The following LRGUK variants were observed in gnomAD, a reference collection of about 807,000 sequenced individuals.
LRGUK encodes the protein leucine-rich repeat and guanylate kinase domain-containing protein.
LRGUK carries 65 observed loss-of-function variants against 76.0 expected under a neutral mutation model. That is an observed-to-expected ratio of 0.85 (90% CI 0.70 to 1.05). The LOEUF is 1.05. Ranked by LOEUF, LRGUK falls within the 50% of genes least tolerant of loss-of-function variation. LRGUK has a pLI of 0.00. For missense variants in LRGUK, 758 were observed against 732.8 expected (o/e 1.03, Z -0.40); for synonymous variants, 268 against 265.6 (o/e 1.01, Z -0.09).
intron 8 of LRGUK, among the ~76,000 whole-genome samples, chr7:134,176,473 G>A (rs1799485306): frequency 6.6e-6 from 1 of 152,080 alleles, no homozygotes; most frequent in African/African-American, 2.4e-5. Context: ...TCCGCCTCCT[G>A]GGTTCATGCC....
At chr7:134,141,863 A>G (rs575771300) in intron 3 of LRGUK, among the ~76,000 whole-genome samples, 9 of 152,336 alleles carry the variant, frequency 5.9e-5, no homozygotes, top group African/African-American at 2.2e-4. Flanking sequence ...TTAATGTCTC[A>G]AAGTACTGTC....
At chr7:134,129,336 T>C in intron 1 of LRGUK, among the ~76,000 whole-genome samples, 4 of 85,410 alleles carry the variant, frequency 4.7e-5, no homozygotes, top group African/African-American at 1.4e-4. Flanking sequence ...CTCCCTCCCT[T>C]CCTCCCTCCC....
chr7:134,201,530 C>A lies in LRGUK; in HGVS notation c.1797C>A (p.Tyr599Ter). 6.2e-7 allele frequency: 1 copy of A among 1,613,804 alleles called. No individual in the cohort carries two copies. The highest frequency in any genetic ancestry group is 1.1e-5 in the South Asian group (1 of 91,074). The change falls in exon 15 of 16, where the codon TAC becomes TAA. Residue 599 changes from tyrosine (Y) to a stop codon, truncating the protein, a stop_gained. Transcript: ENST00000645682. LOFTEE classifies it low-confidence loss of function (END_TRUNC). Reference sequence around the variant, plus strand: ...AACTGAGTCAGCTCATTAGAGAATACCTTGGATTGACTGAGGAACCTGCCA... The same window carrying A: ...AACTGAGTCAGCTCATTAGAGAATAACTTGGATTGACTGAGGAACCTGCCA...
intron 15 of LRGUK, among the ~76,000 whole-genome samples, chr7:134,202,542 T>C (rs569953582): frequency 1.1e-4 from 17 of 152,210 alleles, no homozygotes; most frequent in Non-Finnish European, 2.2e-4. Context: ...TGCACACCCA[T>C]GTTTTTAGCA....
intron 4 of LRGUK, among the ~76,000 whole-genome samples, chr7:134,147,282 C>A (rs1056722738): frequency 1.4e-4 from 22 of 151,772 alleles, no homozygotes; most frequent in Middle Eastern, 6.8e-3. Flanking sequence ...ACAACAACAA[C>A]AAAAAACCCG....
chr7:134,173,062 A>G (rs1799325399), intron 7 of LRGUK, among the ~76,000 whole-genome samples: 1 of 152,188 alleles, frequency 6.6e-6, no homozygotes, highest in Admixed American at 6.5e-5. Context: ...CGTTGTTCAC[A>G]AGTTTACTTT....
At chr7:134,224,588 A>T (rs1285316961) in intron 16 of LRGUK, among the ~76,000 whole-genome samples, 1 of 152,124 alleles carries the variant, frequency 6.6e-6, no homozygotes, top group East Asian at 1.9e-4. Context: ...AAAATAACTA[A>T]TGGGTACTAG....
intron 18 of LRGUK, among the ~76,000 whole-genome samples, chr7:134,253,501 C>T (rs1186423667): frequency 6.6e-6 from 1 of 152,162 alleles, no homozygotes. Flanking sequence ...GAAATCCTAT[C>T]TATTAAAAGA....
intron 4 of LRGUK, among the ~76,000 whole-genome samples, chr7:134,148,034 C>A (rs933053940): frequency 3.5e-5 from 5 of 144,162 alleles, no homozygotes; most frequent in Non-Finnish European, 7.5e-5. Flanking sequence ...TGCACTCCAG[C>A]CTGGACGACA....
chr7:134,186,759 G>A (rs1356703783), intron 11 of LRGUK, among the ~76,000 whole-genome samples: 1 of 152,194 alleles, frequency 6.6e-6, no homozygotes, highest in East Asian at 1.9e-4. Flanking sequence ...GTAATCTAAT[G>A]GGAGACTCAG....
At chr7:134,258,807 G>A (rs562025548) in intron 19 of LRGUK, among the ~76,000 whole-genome samples, 1 of 151,902 alleles carries the variant, frequency 6.6e-6, no homozygotes, top group East Asian at 1.9e-4. Flanking sequence ...CCTGATTTTT[G>A]AAAATTAAAT....
At chr7:134,240,025 C>T (rs963053806) in intron 16 of LRGUK, among the ~76,000 whole-genome samples, 1 of 152,146 alleles carries the variant, frequency 6.6e-6, no homozygotes, top group African/African-American at 2.4e-5. Flanking sequence ...ACAGAAAGGA[C>T]ATCCACACCA....
At chr7:134,227,941 TG>T (rs1801802537) in intron 16 of LRGUK, among the ~76,000 whole-genome samples, 1 of 151,746 alleles carries the variant, frequency 6.6e-6, no homozygotes, top group African/African-American at 2.4e-5. Context: ...AGAGAAGAAG[TG>T]GAAGAGAAAC....
chr7:134,143,905 C>T (rs1797869499), intron 4 of LRGUK, among the ~76,000 whole-genome samples: 1 of 115,952 alleles, frequency 8.6e-6, no homozygotes, highest in Admixed American at 9.2e-5. Context: ...AAAAACCTTC[C>T]TGATGATGTC....
chr7:134,155,697 A>G (rs765549906), intron 5 of LRGUK, among the ~76,000 whole-genome samples: 6 of 152,168 alleles, frequency 3.9e-5, no homozygotes, highest in Non-Finnish European at 7.3e-5. Flanking sequence ...GAGGTGATTT[A>G]TGGTTTGTTG....
chr7:134,227,097 T>C (rs1801782074), intron 16 of LRGUK, among the ~76,000 whole-genome samples: 1 of 148,534 alleles, frequency 6.7e-6, no homozygotes, highest in Non-Finnish European at 1.5e-5. Context: ...AGTGAAAGTT[T>C]ATCTGGCCAG....
chr7:134,134,452 A>G (rs1797442373), intron 1 of LRGUK, among the ~76,000 whole-genome samples: 1 of 152,216 alleles, frequency 6.6e-6, no homozygotes, highest in Admixed American at 6.5e-5. Flanking sequence ...CTTGAAAATG[A>G]CCAAAGATCG....
chr7:134,129,351 ACT>A (rs1183465352), intron 1 of LRGUK, among the ~76,000 whole-genome samples: 24 of 12,628 alleles, frequency 1.9e-3, no homozygotes, highest in African/African-American at 8.9e-3. Flanking sequence ...CCTCCCCTCT[ACT>A]CTCTCCTTCC....
the LRGUK span, among the ~76,000 whole-genome samples, chr7:134,275,559 A>C: frequency 1.3e-5 from 2 of 152,204 alleles, no homozygotes; most frequent in African/African-American, 4.8e-5. Context: ...TGGAAATACC[A>C]AGACTTTGGC....
Sources: gnomAD v4.1 joint callset for allele counts (sites outside exome capture counted in the v4.1 genomes callset) on GRCh38, gnomAD v4.1.1 for gene constraint, MANE v1.5 for transcripts, NCBI Gene and HGNC (gene_info 2026-07-23, HGNC 2026-07-21) for gene names.